LAMA5: variants seen among roughly 807,000 people sequenced by gnomAD.
LAMA5 encodes laminin subunit alpha-5.
Under a neutral mutation model 433.4 loss-of-function variants are expected in LAMA5, and 260 were observed. The observed-to-expected ratio is 0.60, with a 90% CI of 0.54 to 0.66. The LOEUF is 0.66. LAMA5 is among the 30% of genes least tolerant of loss of function. LAMA5 has a pLI of 0.00. For synonymous variants in LAMA5, 2,620 were observed against 2,226.6 expected, an observed-to-expected ratio of 1.18 and a Z score of -4.97; for missense variants, 5,378 against 5,258.5, an observed-to-expected ratio of 1.02 and a Z score of -0.70.
At chr20:62,360,115 G>A (rs1386724794) in intron 2 of LAMA5, among the ~76,000 whole-genome samples, 1 of 150,688 alleles carries the variant, frequency 6.6e-6, no homozygotes, top group African/African-American at 2.4e-5. Flanking sequence ...CCCCACTCCA[G>A]GGAGTCCCTG....
At chr20:62,341,895 C>T (rs56857382) in intron 11 of LAMA5, among the ~76,000 whole-genome samples, 2,088 of 146,144 alleles carry the variant, frequency 0.014, 56 homozygotes, top group African/African-American at 0.052. Flanking sequence ...TAGAAATGAA[C>T]AGAAATTTTA....
chr20:62,363,595 C>G (rs1986400271), intron 1 of LAMA5, among the ~76,000 whole-genome samples: 1 of 152,096 alleles, frequency 6.6e-6, no homozygotes, highest in Non-Finnish European at 1.5e-5. Flanking sequence ...CCCCCGCCCC[C>G]CCAGGAAACC....
chr20:62,351,802 C>T lies in LAMA5; in HGVS notation c.859-1G>A. 6.2e-7 allele frequency: 1 copy of T among 1,605,520 alleles called. No individual in the cohort carries two copies. Among genetic ancestry groups the T allele is most frequent in the African/African-American group, 1.3e-5 (1 of 75,044 alleles). ...TGATATCCTTGATGCTGTAATAATA[C>T]TGCACCCGCAGGCCCCGTGAGCACC... is the stretch of plus-strand genomic sequence containing the variant. On this transcript the variant is annotated splice_acceptor_variant, in intron 5 of 79. Coordinates refer to ENST00000252999, the MANE Select transcript of LAMA5 (RefSeq NM_005560.6). LOFTEE classifies it high-confidence loss of function.
At position 62,310,778 on chromosome 20, in the gene LAMA5, G is replaced by A. The variant is rs770399366; in HGVS notation, c.10333C>T (p.Arg3445Trp). The change falls in exon 75 of 80, where the codon CGG becomes TGG. Residue 3445 changes from arginine to tryptophan, a missense_variant. Coordinates refer to ENST00000252999, the MANE Select transcript of LAMA5 (RefSeq NM_005560.6). The stretch of plus-strand genomic sequence containing the variant: ...TGCGGCCCCTCCTGGCTCCAGGCCC[G>A]GGCCCCGTCCGTCACCAGCAGGATC... The part of the protein sequence containing the change: ...NRILLVTDGA[R>W]AWSQEGPHRQ... The A allele has an allele frequency of 4.8e-5, 74 of 1,552,720 alleles. No homozygotes were observed. The highest frequency in any genetic ancestry group is 6.0e-5 in the Non-Finnish European group (69 of 1,150,232).
At chr20:62,312,374 C>A (rs766178549) in intron 68 of LAMA5, 26 bp downstream of exon 68, 6 of 1,599,962 alleles carry the variant, frequency 3.8e-6, no homozygotes, top group South Asian at 1.1e-5. Flanking sequence ...ACAGATGCCA[C>A]CCCCAGCCCG....
Position 62,319,881 on chromosome 20 carries a change from G to T in LAMA5, c.6760-86C>A. On this transcript the variant is annotated intron_variant, in intron 50 of 79. Coordinates refer to ENST00000252999, the MANE Select transcript of LAMA5 (RefSeq NM_005560.6). ...AGGGCCTGGGGTCTGGGGGAGCGCC[G>T]AGGGTCCCAGGGAAGAGGGGCCCCT... 22 of 1,031,392 alleles carry T rather than the reference G, an allele frequency of 2.1e-5. 1 individual carries two copies. In the South Asian group the frequency reaches 3.1e-4, roughly 15 times the overall value. The allele number at this position is 1,031,392 out of a possible 1,614,324, so 63.9% of individuals were successfully genotyped here.
chr20:62,320,939 G>A, intron 48 of LAMA5, 49 bp from the exon 49 acceptor site: 1 of 1,566,034 alleles, frequency 6.4e-7, no homozygotes, highest in Non-Finnish European at 8.7e-7. Flanking sequence ...TCAGGCCAGG[G>A]GAGAATGATC....
chr20:62,343,341 C>T lies in LAMA5; in HGVS notation c.1477+2477G>A, dbSNP rs141498803. On this transcript the variant is annotated intron_variant, in intron 11 of 79. Transcript: ENST00000252999. ...TTCCTGGGTAAGGGAGGAGCATCTACATCCGACTCAGCCAGAGATTCGGTA... is the reference window on the plus strand; with the variant it reads ...TTCCTGGGTAAGGGAGGAGCATCTATATCCGACTCAGCCAGAGATTCGGTA... 2.0e-4 allele frequency among the ~76,000 whole-genome samples: 30 copies of T among 152,300 alleles called. No individual in the cohort carries two copies. In the East Asian group the frequency reaches 2.7e-3, roughly 14 times the overall value.
In LAMA5 at chr20:62,324,401, A is replaced by T; in HGVS notation, c.5643+40T>A. ...CCCTGGCACACTTGACTGTGCCTTC[A>T]GTGAATGCTGCCCCCCTGGCCCCAC... On this transcript the variant is annotated intron_variant, in intron 42 of 79. Transcript: ENST00000252999. The surrounding 1 kb of genome is among the most constrained non-coding windows in gnomAD (Gnocchi z 4.4). The T allele has an allele frequency of 1.3e-6, 2 of 1,522,136 alleles. No individual in the cohort carries two copies. The highest frequency in any genetic ancestry group is 2.7e-5 in the African/African-American group (2 of 73,024). The allele number at this position is 1,522,136 out of a possible 1,614,324, so 94.3% of individuals were successfully genotyped here.
chr20:62,311,816 T>TGCCCCC, intron 70 of LAMA5, 32 bp from the exon 71 acceptor site: 11 of 1,520,956 alleles, frequency 7.2e-6, no homozygotes, highest in East Asian at 2.3e-5. Flanking sequence ...GCTCGGTTTT[T>TGCCCCC]CCCCACCCTG....
chr20:62,346,102 T>G lies in LAMA5; in HGVS notation c.1396A>C (p.Thr466Pro). Reference sequence around the variant, plus strand: ...TCACGGTAGCAGCTTGGGAAGCCCGTGAAGCCCTCGGCACACACGTCACAC... The same window carrying G: ...TCACGGTAGCAGCTTGGGAAGCCCGGGAAGCCCTCGGCACACACGTCACAC... ...ERCDVCAEGF[T>P]GFPSCYPTPS... Residue 466 changes from threonine (T) to proline (P), a missense_variant, in exon 10 of 80, where the codon ACG (threonine) becomes CCG (proline). Thr to Pro is a conservative substitution (Grantham distance 38). Transcript: ENST00000252999. 2 of 1,612,972 alleles carry G rather than the reference T, an allele frequency of 1.2e-6. No individual in the cohort carries two copies. The highest frequency in any genetic ancestry group is 4.5e-5 in the East Asian group (2 of 44,890).
chr20:62,366,818 C>A (rs1212216061), intron 1 of LAMA5, 131 bp downstream of exon 1: 4 of 1,190,816 alleles, frequency 3.4e-6, no homozygotes, highest in Non-Finnish European at 4.2e-6. Flanking sequence ...CCTTCTTGGG[C>A]CCCCAAAATG....
At chr20:62,349,131 C>A (rs569068890) in intron 6 of LAMA5, among the ~76,000 whole-genome samples, 1 of 151,376 alleles carries the variant, frequency 6.6e-6, no homozygotes, top group South Asian at 2.1e-4. Flanking sequence ...AATAGCCAGG[C>A]GTGGTGGTGG....
Position 62,322,021 on chromosome 20 carries a change from T to TCA in LAMA5, c.6492_6493dup (p.Glu2165ValfsTer45). On this transcript the variant is annotated frameshift_variant, in exon 48 of 80. Transcript: ENST00000252999. LOFTEE classifies it high-confidence loss of function. ...GAAGTGGGGTGTTGAGGACACACCT[T>TCA]CACAGTGGATGCTGTGGCCCACAGG... 1 of 1,598,362 alleles carries TCA rather than the reference T, an allele frequency of 6.3e-7. No individual in the cohort carries two copies. Among genetic ancestry groups the TCA allele is most frequent in the Non-Finnish European group, 8.5e-7 (1 of 1,179,234 alleles).
chr20:62,324,120 A>G lies in LAMA5; in HGVS notation c.5728T>C (p.Cys1910Arg), dbSNP rs780306054. Residue 1910 changes from cysteine (C) to arginine (R), a missense_variant, in exon 43 of 80, where the codon TGT becomes CGT. Transcript: ENST00000252999. This position sits in a 1 kb window ranked among gnomAD's most constrained non-coding sequence, Gnocchi z 4.4. ...VSSRDDPSAP[C>R]VSCPCPLSVP... ...GAGAGGGGGCAGGGGCAGCTGACACAGGGGGCGCTGGGGTCGTCCCTGCTG... is the reference window on the plus strand; with the variant it reads ...GAGAGGGGGCAGGGGCAGCTGACACGGGGGGCGCTGGGGTCGTCCCTGCTG... The G allele has an allele frequency of 3.9e-6, 6 of 1,523,532 alleles. No individual in the cohort carries two copies. The highest frequency in any genetic ancestry group is 2.4e-5 in the Admixed American group (1 of 42,312). 94.4% of individuals were successfully genotyped at this position (1,523,532 alleles called of 1,614,324 possible). A position where few individuals can be genotyped will look rare whatever the true frequency, so the allele number is the denominator to read the frequency against.
Position 62,320,584 on chromosome 20 carries a change from T to C in LAMA5, c.6734A>G (p.Gln2245Arg). ...VLEQQSTSLG[Q>R]DARRLGGQAV... is the part of the protein sequence containing the mutation. ...CTGGCCGCCTAGCCGCCGTGCGTCC[T>C]GCCCGAGGCTTGTGCTCTGCTGCTC... Residue 2245 changes from glutamine to arginine, a missense_variant, in exon 50 of 80, where the codon CAG (glutamine) becomes CGG (arginine). Gln to Arg is a conservative substitution (Grantham distance 43, BLOSUM62 1). Transcript: ENST00000252999. 1.9e-6 allele frequency: 3 copies of C among 1,602,788 alleles called. No individual in the cohort carries two copies. Among genetic ancestry groups the C allele is most frequent in the Non-Finnish European group, 2.5e-6 (3 of 1,178,428 alleles).
In LAMA5 at chr20:62,338,040, A is replaced by G. The variant is rs1284877575; in HGVS notation, c.1867T>C (p.Tyr623His). 6.2e-7 allele frequency: 1 copy of G among 1,601,686 alleles called. No individual in the cohort carries two copies. Among genetic ancestry groups the G allele is most frequent in the East Asian group, 2.2e-5 (1 of 44,666 alleles). ...CCTTGGCAGTTGGGGAAACCATGGTAGCCAGGGCGGCACCGGTCACAATGA... is the reference window on the plus strand; with the variant it reads ...CCTTGGCAGTTGGGGAAACCATGGTGGCCAGGGCGGCACCGGTCACAATGA... ...GPHCDRCRPG[Y>H]HGFPNCQACT... Residue 623 changes from tyrosine to histidine, a missense_variant, in exon 14 of 80, where the codon TAC becomes CAC. Tyr to His is a moderately conservative substitution (Grantham distance 83). Coordinates refer to ENST00000252999, the MANE Select transcript of LAMA5 (RefSeq NM_005560.6).
chr20:62,326,956 T>C lies in LAMA5; in HGVS notation c.5123A>G (p.Tyr1708Cys), dbSNP rs746991224. Reference sequence around the variant, plus strand: ...CAGTTCATAACGGAGGGTCCCACCGTAGGATGACACCTGGAGGCAGGACAG... The same window carrying C: ...CAGTTCATAACGGAGGGTCCCACCGCAGGATGACACCTGGAGGCAGGACAG... ...PSYLGDRVSS[Y>C]GGTLRYELHS... Residue 1708 changes from tyrosine (Y) to cysteine (C), a missense_variant, in exon 39 of 80, where the codon TAC becomes TGC. Physicochemically the swap from Tyr to Cys is radical, Grantham distance 194 (BLOSUM62 -2). Coordinates refer to ENST00000252999, the MANE Select transcript of LAMA5 (RefSeq NM_005560.6). The C allele has an allele frequency of 6.2e-7, 1 of 1,606,450 alleles. No individual in the cohort carries two copies. Among genetic ancestry groups the C allele is most frequent in the African/African-American group, 1.3e-5 (1 of 74,838 alleles).
Position 62,334,281 on chromosome 20 carries a change from C to T in LAMA5, c.2644G>A (p.Ala882Thr). The T allele has an allele frequency of 6.2e-7, 1 of 1,611,914 alleles. No individual in the cohort carries two copies. Among genetic ancestry groups the T allele is most frequent in the East Asian group, 2.2e-5 (1 of 44,848 alleles). Residue 882 changes from alanine (A) to threonine (T), a missense_variant, in exon 22 of 80, where the codon GCC becomes ACC. Transcript: ENST00000252999. ...HHLRLELEEAATPEGHAVRFG... is the reference protein window; with the variant it reads ...HHLRLELEEATTPEGHAVRFG... ...CGCACGGCGTGACCCTCAGGTGTGG[C>T]AGCCTCCTCCAGCTCCAGGCGCAGG... is the stretch of plus-strand genomic sequence containing the variant.
Sources: allele counts gnomAD v4.1 joint callset (sites outside exome capture counted in the v4.1 genomes callset), GRCh38; gene constraint gnomAD v4.1.1; non-coding constraint Gnocchi (gnomAD v3.1); transcripts MANE v1.5; gene names NCBI Gene and HGNC (gene_info 2026-07-23, HGNC 2026-07-21).